The following SDK1 variants were observed in gnomAD, a reference collection of about 807,000 sequenced individuals.
SDK1 encodes the protein protein sidekick-1.
A neutral mutation model predicts 245.5 loss-of-function variants in SDK1; 157 were observed. The ratio of observed to expected loss-of-function variants is 0.64; its 90% CI spans 0.56 to 0.73. SDK1 has a LOEUF of 0.73. SDK1 is among the 30% of genes least tolerant of loss of function. The pLI is 0.00. For synonymous variants in SDK1, 1,647 were observed against 1,278.5 expected, an observed-to-expected ratio of 1.29 and a Z score of -6.15; for missense variants, 3,583 against 3,002.3, an observed-to-expected ratio of 1.19 and a Z score of -4.52.
intron 40 of SDK1, among the ~76,000 whole-genome samples, chr7:4,229,652 G>A (rs754265630): frequency 6.6e-6 from 1 of 152,072 alleles, no homozygotes; most frequent in South Asian, 2.1e-4. Flanking sequence ...AATCCACTCC[G>A]GAGGTGTTCA....
chr7:3,473,119 A>G (rs1781235378), intron 1 of SDK1, among the ~76,000 whole-genome samples: 1 of 152,180 alleles, frequency 6.6e-6, no homozygotes, highest in Non-Finnish European at 1.5e-5. Flanking sequence ...GAGCATCACA[A>G]CAGCCTTGTG....
At chr7:4,183,996 G>C (rs1047770205) in intron 35 of SDK1, among the ~76,000 whole-genome samples, 1 of 152,210 alleles carries the variant, frequency 6.6e-6, no homozygotes, top group Non-Finnish European at 1.5e-5. Flanking sequence ...TCCGGGTTCT[G>C]TGTTTACACT....
intron 5 of SDK1, among the ~76,000 whole-genome samples, chr7:3,861,992 G>C (rs1780704916): frequency 6.6e-6 from 1 of 152,140 alleles, no homozygotes; most frequent in Non-Finnish European, 1.5e-5. Context: ...TAAGTGACCT[G>C]GCAGCAAACA....
intron 1 of SDK1, among the ~76,000 whole-genome samples, chr7:3,373,619 A>T (rs529869770): frequency 1.4e-5 from 2 of 142,292 alleles, no homozygotes; most frequent in Non-Finnish European, 3.1e-5. Flanking sequence ...TGGCAACACC[A>T]TTAAAAATGT....
intron 5 of SDK1, among the ~76,000 whole-genome samples, chr7:3,870,827 G>A (rs1376337631): frequency 6.6e-6 from 1 of 152,142 alleles, no homozygotes; most frequent in African/African-American, 2.4e-5. Flanking sequence ...AAGGCATCAT[G>A]TTGCATTTAG....
chr7:3,588,331 G>A (rs1780755005), intron 1 of SDK1, among the ~76,000 whole-genome samples: 1 of 152,156 alleles, frequency 6.6e-6, no homozygotes, highest in Non-Finnish European at 1.5e-5. Flanking sequence ...TATTTATTAA[G>A]TTTGTTTACA....
At chr7:4,154,106 AG>A (rs1015672588) in intron 30 of SDK1, among the ~76,000 whole-genome samples, 3 of 152,180 alleles carry the variant, frequency 2.0e-5, no homozygotes, top group Non-Finnish European at 4.4e-5. Context: ...GAAGGAATGG[AG>A]CTCCTCCTAT....
At chr7:3,316,163 A>G (rs976189734) in intron 1 of SDK1, among the ~76,000 whole-genome samples, 2 of 152,214 alleles carry the variant, frequency 1.3e-5, no homozygotes, top group Non-Finnish European at 2.9e-5. Context: ...TTAAATATAC[A>G]TAAATTTTGT....
At chr7:4,203,845 A>G (rs889100537) in intron 35 of SDK1, among the ~76,000 whole-genome samples, 1 of 152,276 alleles carries the variant, frequency 6.6e-6, no homozygotes, top group South Asian at 2.1e-4. Context: ...TGTTGCCTGC[A>G]GTAATTTTAC....
intron 1 of SDK1, among the ~76,000 whole-genome samples, chr7:3,359,751 G>T (rs1208221203): frequency 6.6e-6 from 1 of 152,132 alleles, no homozygotes; most frequent in Non-Finnish European, 1.5e-5. Flanking sequence ...TTGTGAGACG[G>T]TATCTTCAGG....
chr7:3,476,080 A>G (rs77744419), intron 1 of SDK1: 22 of 152,750 alleles, frequency 1.4e-4, no homozygotes, highest in African/African-American at 5.1e-4. Flanking sequence ...TTTAAAACCT[A>G]TTTTCAAACA....
chr7:3,961,176 A>G (rs959159186), intron 8 of SDK1, among the ~76,000 whole-genome samples: 2 of 152,254 alleles, frequency 1.3e-5, no homozygotes, highest in African/African-American at 4.8e-5. Context: ...TTTCATTTTG[A>G]CAGTGAAACT....
intron 1 of SDK1, among the ~76,000 whole-genome samples, chr7:3,330,320 A>G (rs1780036921): frequency 1.3e-5 from 2 of 152,162 alleles, no homozygotes; most frequent in South Asian, 4.1e-4. Flanking sequence ...GAGGGTTCCA[A>G]TTTCTAACAC....
At chr7:3,551,731 A>C (rs1022896072) in intron 1 of SDK1, among the ~76,000 whole-genome samples, 7 of 151,858 alleles carry the variant, frequency 4.6e-5, no homozygotes, top group African/African-American at 1.5e-4. Flanking sequence ...GCTGGAGTAC[A>C]GCAGCACGAT....
intron 41 of SDK1, among the ~76,000 whole-genome samples, 172 bp downstream of exon 41, chr7:4,233,591 C>T (rs1785947032): frequency 1.3e-5 from 2 of 151,794 alleles, no homozygotes; most frequent in African/African-American, 4.8e-5. Flanking sequence ...GAAATGGGGT[C>T]GAGGGGGACC....
intron 4 of SDK1, among the ~76,000 whole-genome samples, chr7:3,812,317 T>G (rs191093937): frequency 3.3e-4 from 50 of 152,246 alleles, no homozygotes; most frequent in African/African-American, 1.2e-3. Context: ...ACACACTGTT[T>G]GGCTCTGTGA....
intron 22 of SDK1, among the ~76,000 whole-genome samples, chr7:4,109,111 T>C (rs1046417651): frequency 6.6e-6 from 1 of 152,222 alleles, no homozygotes; most frequent in East Asian, 1.9e-4. Context: ...CTGTCGTGAC[T>C]AGTGCACTAG....
At chr7:3,335,223 C>T (rs983348756) in intron 1 of SDK1, among the ~76,000 whole-genome samples, 1 of 152,116 alleles carries the variant, frequency 6.6e-6, no homozygotes, top group Non-Finnish European at 1.5e-5. Context: ...AATACTATTG[C>T]ACTTAGAATA....
intron 1 of SDK1, among the ~76,000 whole-genome samples, chr7:3,605,546 A>G (rs768330946): frequency 1.3e-5 from 2 of 152,196 alleles, no homozygotes; most frequent in Non-Finnish European, 2.9e-5. Context: ...TGATGCACCT[A>G]AATTATTGAT....
Sources: allele counts gnomAD v4.1 joint callset (sites outside exome capture counted in the v4.1 genomes callset), GRCh38; gene constraint gnomAD v4.1.1; transcripts MANE v1.5; gene names NCBI Gene and HGNC (gene_info 2026-07-23, HGNC 2026-07-21).